Variants in PKHD1L1 observed in about 807,000 individuals in gnomAD.
The protein encoded by PKHD1L1 is fibrocystin-L.
A neutral mutation model predicts 462.9 loss-of-function variants in PKHD1L1; 434 were observed. The observed-to-expected ratio is 0.94, with a 90% CI of 0.87 to 1.02. The LOEUF is 1.02. PKHD1L1 is among the 50% of genes least tolerant of loss of function. The probability of loss-of-function intolerance (pLI) is 0.00; values close to 1 mark genes in which losing one functional copy is unlikely to be tolerated. For missense variants in PKHD1L1, 5,202 were observed against 5,096.1 expected (o/e 1.02, Z -0.63); for synonymous variants, 1,781 against 1,750.0 (o/e 1.02, Z -0.44).
Position 109,536,919 on chromosome 8 carries a change from C to A in PKHD1L1, c.*6829C>A, listed in dbSNP as rs1407178774. Among the ~76,000 whole-genome samples the A allele has an allele frequency of 9.2e-5, 14 of 152,182 alleles. No individual in the cohort carries two copies. Among genetic ancestry groups the A allele is most frequent in the African/African-American group, 3.1e-4 (13 of 41,514 alleles). On this transcript the variant is annotated 3_prime_UTR_variant, in exon 78 of 78. Transcript: ENST00000378402. ...TTTGATTTCTCTATTAGGCAATTGA[C>A]CCTAACTAGTATATGGTGATTTTGA...
intron 27 of PKHD1L1, among the ~76,000 whole-genome samples, 170 bp downstream of exon 27, chr8:109,430,207 G>A (rs1429100220): frequency 6.6e-6 from 1 of 152,114 alleles, no homozygotes; most frequent in Non-Finnish European, 1.5e-5. Context: ...ACTATGGAAA[G>A]GGCACTAATT....
chr8:109,369,521 T>C (rs1811390580), intron 2 of PKHD1L1, among the ~76,000 whole-genome samples: 1 of 152,160 alleles, frequency 6.6e-6, no homozygotes, highest in South Asian at 2.1e-4. Flanking sequence ...GAAAATGATA[T>C]CATCTTTTGT....
chr8:109,381,203 T>C (rs1473637377), intron 2 of PKHD1L1, among the ~76,000 whole-genome samples, 167 bp from the exon 3 acceptor site: 1 of 152,190 alleles, frequency 6.6e-6, no homozygotes, highest in Non-Finnish European at 1.5e-5. Context: ...GGCTAAATTT[T>C]GTGCTTCCAA....
intron 56 of PKHD1L1, among the ~76,000 whole-genome samples, chr8:109,481,776 A>G (rs1320801891): frequency 1.3e-5 from 2 of 151,800 alleles, no homozygotes; most frequent in Non-Finnish European, 1.5e-5. Flanking sequence ...CTCACATTTC[A>G]CCAGGTTAAA....
chr8:109,409,430 A>G (rs1353264414), intron 18 of PKHD1L1, among the ~76,000 whole-genome samples: 1 of 151,978 alleles, frequency 6.6e-6, no homozygotes, highest in Non-Finnish European at 1.5e-5. Context: ...TATATTTTTA[A>G]AAGAGACAGG....
At chr8:109,419,835 T>G (rs928569229) in intron 22 of PKHD1L1, among the ~76,000 whole-genome samples, 6 of 152,164 alleles carry the variant, frequency 3.9e-5, no homozygotes, top group African/African-American at 1.4e-4. Context: ...TAAAAGTGAC[T>G]TTTCCCATTT....
intron 9 of PKHD1L1, among the ~76,000 whole-genome samples, chr8:109,391,107 T>C (rs1166927704): frequency 2.0e-5 from 3 of 152,154 alleles, no homozygotes; most frequent in African/African-American, 7.2e-5. Context: ...ATAATAATAG[T>C]GAACATTTAG....
rs757210969 is a variant in PKHD1L1, at chr8:109,404,623, T to G, written c.1443T>G (p.Tyr481Ter). The stretch of plus-strand genomic sequence containing the variant: ...TTGTTGATGTTGGACTGTACCAGTA[T>G]CGAAATGTTTATACTGAACAACAAA... ...SAFVDVGLYQ[Y>*]RNVYTEQQTG... Residue 481 changes from tyrosine (Y) to a stop codon, truncating the protein, a stop_gained, in exon 15 of 78, where the codon TAT becomes TAG. Coordinates refer to ENST00000378402, the MANE Select transcript of PKHD1L1 (RefSeq NM_177531.6). LOFTEE classifies it high-confidence loss of function. 8 of 1,608,332 alleles carry G rather than the reference T, an allele frequency of 5.0e-6. No homozygotes were observed. Among genetic ancestry groups the G allele is most frequent in the Non-Finnish European group, 6.8e-6 (8 of 1,176,964 alleles).
At chr8:109,529,482 G>T (rs1820971984) in intron 77 of PKHD1L1, among the ~76,000 whole-genome samples, 1 of 151,888 alleles carries the variant, frequency 6.6e-6, no homozygotes, top group African/African-American at 2.4e-5. Context: ...GCTAAATATT[G>T]CTCAATATAT....
rs563079760 is a variant in PKHD1L1, at chr8:109,402,179, A to G, written c.1373+591A>G. Among the ~76,000 whole-genome samples the G allele has an allele frequency of 7.9e-5, 12 of 152,314 alleles. No individual in the cohort carries two copies. The East Asian group carries it at 2.3e-3, about 29-fold the overall frequency. ...AGAATTCCTAGGAAACAGGAAGATA[A>G]AAGACATGATACATTGAAAATGGAG... On this transcript the variant is annotated intron_variant, in intron 14 of 77. Coordinates refer to ENST00000378402, the MANE Select transcript of PKHD1L1 (RefSeq NM_177531.6).
chr8:109,439,198 T>C (rs948483060), intron 32 of PKHD1L1, 106 bp downstream of exon 32: 1 of 1,002,578 alleles, frequency 1.0e-6, no homozygotes, highest in African/African-American at 1.6e-5. Flanking sequence ...AATTGTTCTC[T>C]TTACCTTCCT....
chr8:109,514,846 T>A (rs1224858240), intron 71 of PKHD1L1, among the ~76,000 whole-genome samples: 9 of 152,160 alleles, frequency 5.9e-5, no homozygotes. Flanking sequence ...TAAGTCCCTC[T>A]TTCCCTGCTC....
rs1281191619 is a variant in PKHD1L1, at chr8:109,522,743, G to C, written c.12184-1G>C. Reference sequence around the variant, plus strand: ...CCAGTTCATCCCTTGTGCATTCACAGGTGACTGCCCAGCCAGTTGAAAGGT... The same window carrying C: ...CCAGTTCATCCCTTGTGCATTCACACGTGACTGCCCAGCCAGTTGAAAGGT... On this transcript the variant is annotated splice_acceptor_variant, in intron 74 of 77. Coordinates refer to ENST00000378402, the MANE Select transcript of PKHD1L1 (RefSeq NM_177531.6). LOFTEE classifies it high-confidence loss of function. 1.2e-6 allele frequency: 2 copies of C among 1,606,800 alleles called. No homozygotes were observed. The highest frequency in any genetic ancestry group is 1.7e-6 in the Non-Finnish European group (2 of 1,177,858).
intron 50 of PKHD1L1, 126 bp downstream of exon 50, chr8:109,466,895 C>A: frequency 1.2e-6 from 1 of 860,376 alleles, no homozygotes; most frequent in Admixed American, 3.0e-5. Context: ...ATATTAGAGT[C>A]CAAGCAGGAA....
At chr8:109,388,906 A>G (rs1287638829) in intron 7 of PKHD1L1, among the ~76,000 whole-genome samples, 173 bp from the exon 8 acceptor site, 1 of 152,216 alleles carries the variant, frequency 6.6e-6, no homozygotes, top group Non-Finnish European at 1.5e-5. Context: ...AATTTTATGC[A>G]AACATCTTCA....
chr8:109,486,384 G>A (rs1157536488), intron 58 of PKHD1L1, among the ~76,000 whole-genome samples: 1 of 151,886 alleles, frequency 6.6e-6, no homozygotes, highest in African/African-American at 2.4e-5. Context: ...TTCAAGATTT[G>A]TTAAGTAGTA....
At chr8:109,378,248 G>A (rs1290386377) in intron 2 of PKHD1L1, among the ~76,000 whole-genome samples, 1 of 152,138 alleles carries the variant, frequency 6.6e-6, no homozygotes, top group Non-Finnish European at 1.5e-5. Flanking sequence ...CTGAGATAAT[G>A]TCTTCACTCC....
intron 77 of PKHD1L1, among the ~76,000 whole-genome samples, chr8:109,527,686 C>G (rs1673383): frequency 0.24 from 36,038 of 151,908 alleles, 4,967 homozygotes; most frequent in African/African-American, 0.34. Flanking sequence ...GATCTAAGGA[C>G]TCAGATGATA....
At chr8:109,453,289 A>T (rs1586548134) in intron 43 of PKHD1L1, among the ~76,000 whole-genome samples, 1 of 152,078 alleles carries the variant, frequency 6.6e-6, no homozygotes, top group Non-Finnish European at 1.5e-5. Context: ...AGTCATCGAG[A>T]TTTGTTCAGG....
Sources: allele counts gnomAD v4.1 joint callset (sites outside exome capture counted in the v4.1 genomes callset), GRCh38; gene constraint gnomAD v4.1.1; transcripts MANE v1.5; gene names NCBI Gene and HGNC (gene_info 2026-07-23, HGNC 2026-07-21).